The following RALYL variants were observed in gnomAD, a reference collection of about 807,000 sequenced individuals.
RALYL encodes RALY RNA binding protein like.
A neutral mutation model predicts 35.1 loss-of-function variants in RALYL; 29 were observed. The observed-to-expected ratio is 0.83, with a 90% CI of 0.61 to 1.13. The LOEUF (loss-of-function observed/expected upper bound fraction) is 1.13. Among genes scored for constraint, RALYL ranks in the 50% most tolerant of loss-of-function variants. RALYL has a pLI of 0.00. For missense variants in RALYL, 359 were observed against 360.4 expected (o/e 1.00, Z 0.03); for synonymous variants, 120 against 127.6 (o/e 0.94, Z 0.40).
chr8:84,322,021 G>C (rs186878840), intron 1 of RALYL, among the ~76,000 whole-genome samples: 10 of 152,018 alleles, frequency 6.6e-5, no homozygotes, highest in Non-Finnish European at 1.3e-4. Flanking sequence ...CAAAATATGT[G>C]ACAAAAAACC....
chr8:84,843,285 C>A (rs1356356739), intron 4 of RALYL, among the ~76,000 whole-genome samples: 1 of 152,124 alleles, frequency 6.6e-6, no homozygotes, highest in Non-Finnish European at 1.5e-5. Context: ...GATACAAAAT[C>A]AATGTACAAA....
At chr8:84,657,417 C>T (rs1830153056) in intron 2 of RALYL, among the ~76,000 whole-genome samples, 1 of 152,200 alleles carries the variant, frequency 6.6e-6, no homozygotes, top group Admixed American at 6.5e-5. Context: ...CCAAGTCTTA[C>T]TCTCAACCGA....
chr8:84,902,504 T>C (rs1845860289), intron 8 of RALYL, among the ~76,000 whole-genome samples: 1 of 152,188 alleles, frequency 6.6e-6, no homozygotes, highest in Admixed American at 6.5e-5. Context: ...ATGTCTACAC[T>C]GTAATCATTG....
intron 1 of RALYL, among the ~76,000 whole-genome samples, chr8:84,392,710 CA>C (rs1297883958): frequency 6.6e-6 from 1 of 151,796 alleles, no homozygotes; most frequent in Non-Finnish European, 1.5e-5. Context: ...CCTAGTTGCC[CA>C]AATTTACCCA....
At chr8:84,678,770 A>C (rs1242495894) in intron 2 of RALYL, 1 of 152,928 alleles carries the variant, frequency 6.5e-6, no homozygotes, top group African/African-American at 2.4e-5. Flanking sequence ...GTAATCACTA[A>C]GGAGCTGAAG....
At chr8:84,271,144 G>A (rs1434891579) in intron 1 of RALYL, among the ~76,000 whole-genome samples, 1 of 146,178 alleles carries the variant, frequency 6.8e-6, no homozygotes, top group East Asian at 2.0e-4. Context: ...TTTTCAAAAT[G>A]TGTATCTGAT....
intron 1 of RALYL, among the ~76,000 whole-genome samples, chr8:84,449,565 AGCTTTTG>A: frequency 6.6e-6 from 1 of 152,134 alleles, no homozygotes; most frequent in Non-Finnish European, 1.5e-5. Context: ...TCCCTGGCTT[AGCTTTTG>A]GAAGCTTTGC....
chr8:84,598,069 T>C (rs1006693720), intron 2 of RALYL, among the ~76,000 whole-genome samples: 8 of 152,158 alleles, frequency 5.3e-5, no homozygotes, highest in African/African-American at 1.9e-4. Context: ...CCCTTGTTTA[T>C]ACTGTTGCCT....
intron 1 of RALYL, among the ~76,000 whole-genome samples, chr8:84,406,627 C>T (rs184225679): frequency 1.2e-4 from 18 of 151,904 alleles, no homozygotes; most frequent in Admixed American, 3.9e-4. Context: ...CACAAACATA[C>T]GCATACAACC....
At chr8:84,195,720 T>G (rs947502207) in intron 1 of RALYL, among the ~76,000 whole-genome samples, 1 of 152,086 alleles carries the variant, frequency 6.6e-6, no homozygotes, top group African/African-American at 2.4e-5. Flanking sequence ...AAGCCAGGAA[T>G]GTATGACAGT....
At chr8:84,416,577 TC>T (rs1333341134) in intron 1 of RALYL, among the ~76,000 whole-genome samples, 3 of 152,200 alleles carry the variant, frequency 2.0e-5, no homozygotes, top group African/African-American at 4.8e-5. Flanking sequence ...CCTTTTTTTT[TC>T]ATGTGTAAAT....
chr8:84,670,267 T>G (rs968534374), intron 2 of RALYL, among the ~76,000 whole-genome samples: 6 of 152,200 alleles, frequency 3.9e-5, no homozygotes, highest in Admixed American at 1.3e-4. Context: ...TCTTTTGTTG[T>G]TTTTTATACT....
chr8:84,800,679 T>C (rs1350310866), intron 3 of RALYL, among the ~76,000 whole-genome samples: 3 of 152,198 alleles, frequency 2.0e-5, no homozygotes, highest in Admixed American at 6.5e-5. Flanking sequence ...ACAATTACCT[T>C]GTAAAAAAAT....
intron 1 of RALYL, among the ~76,000 whole-genome samples, chr8:84,354,996 A>G (rs559354565): frequency 6.6e-6 from 1 of 150,566 alleles, no homozygotes; most frequent in Non-Finnish European, 1.5e-5. Context: ...CATCACAAAT[A>G]TACAACCAGG....
intron 2 of RALYL, among the ~76,000 whole-genome samples, chr8:84,636,527 A>T (rs1825097215): frequency 6.6e-6 from 1 of 151,822 alleles, no homozygotes; most frequent in Non-Finnish European, 1.5e-5. Flanking sequence ...CAGCTGAGTG[A>T]TCTGTATTAG....
At chr8:84,594,615 G>T (rs1317770054) in intron 2 of RALYL, among the ~76,000 whole-genome samples, 1 of 151,864 alleles carries the variant, frequency 6.6e-6, no homozygotes, top group East Asian at 1.9e-4. Flanking sequence ...TATAAAAAAT[G>T]TTTATATTAT....
intron 2 of RALYL, among the ~76,000 whole-genome samples, chr8:84,743,466 C>T (rs1193970147): frequency 6.6e-6 from 1 of 151,906 alleles, no homozygotes; most frequent in Non-Finnish European, 1.5e-5. Flanking sequence ...CTTATGGAGA[C>T]GCTGTCAATT....
At chr8:84,905,232 ATGT>A (rs1160625809) in intron 8 of RALYL, among the ~76,000 whole-genome samples, 1 of 152,166 alleles carries the variant, frequency 6.6e-6, no homozygotes, top group Non-Finnish European at 1.5e-5. Flanking sequence ...AGGTTCATCC[ATGT>A]TGTTACACAT....
intron 1 of RALYL, among the ~76,000 whole-genome samples, chr8:84,441,495 A>G (rs959277193): frequency 6.6e-6 from 1 of 152,154 alleles, no homozygotes; most frequent in African/African-American, 2.4e-5. Flanking sequence ...AAGCTTTGAA[A>G]GGTCAGATTT....
Sources: allele counts gnomAD v4.1 joint callset (sites outside exome capture counted in the v4.1 genomes callset), GRCh38; gene constraint gnomAD v4.1.1; transcripts MANE v1.5; gene names NCBI Gene and HGNC (gene_info 2026-07-23, HGNC 2026-07-21).